Variants in SLC28A1 observed in about 807,000 individuals in gnomAD.
The protein encoded by SLC28A1 is sodium/nucleoside cotransporter 1.
In SLC28A1, 64 loss-of-function variants were observed where a neutral mutation model predicts 74.8. The observed-to-expected ratio is 0.86, with a 90% CI of 0.70 to 1.05. SLC28A1 has a LOEUF of 1.05. Among genes scored for constraint, SLC28A1 ranks in the 50% least tolerant of loss-of-function variants. The pLI, the probability that SLC28A1 is intolerant of heterozygous loss-of-function variation, is 0.00. For synonymous variants in SLC28A1, 359 were observed against 335.0 expected, an observed-to-expected ratio of 1.07 and a Z score of -0.78; for missense variants, 828 against 822.8, an observed-to-expected ratio of 1.01 and a Z score of -0.08.
chr15:84,953,074 A>G, the SLC28A1 span, among the ~76,000 whole-genome samples: 1 of 152,238 alleles, frequency 6.6e-6, no homozygotes, highest in African/African-American at 2.4e-5. Flanking sequence ...CCATCAAAGC[A>G]TACAGCTTTC....
At chr15:84,911,434 A>G (rs750852803) in intron 9 of SLC28A1, among the ~76,000 whole-genome samples, 3 of 152,230 alleles carry the variant, frequency 2.0e-5, no homozygotes, top group Non-Finnish European at 4.4e-5. Context: ...GCGCAGAGCC[A>G]GAGCTAGAAC....
the SLC28A1 span, among the ~76,000 whole-genome samples, chr15:84,963,848 T>C: frequency 1.3e-5 from 2 of 152,188 alleles, no homozygotes; most frequent in African/African-American, 4.8e-5. Context: ...CCTCTAGCCA[T>C]TTCCTAGCAC....
At chr15:84,941,361 G>A (rs865953386) in intron 15 of SLC28A1, among the ~76,000 whole-genome samples, 5 of 151,818 alleles carry the variant, frequency 3.3e-5, no homozygotes, top group African/African-American at 4.8e-5. Context: ...ACCCGCCACT[G>A]TGCCCGGCTA....
At chr15:84,958,095 T>C in the SLC28A1 span, among the ~76,000 whole-genome samples, 1 of 152,240 alleles carries the variant, frequency 6.6e-6, no homozygotes, top group Non-Finnish European at 1.5e-5. Context: ...GTTTTCTTCA[T>C]TTTGTCATTG....
the SLC28A1 span, among the ~76,000 whole-genome samples, chr15:84,956,455 C>CTTTA: frequency 2.6e-5 from 2 of 78,010 alleles, no homozygotes; most frequent in Admixed American, 1.5e-4. Flanking sequence ...TTCTTTCTTT[C>CTTTA]TTTCTTTCTT....
At chr15:84,901,534 AC>A (rs66669942) in intron 6 of SLC28A1, among the ~76,000 whole-genome samples, 47,517 of 151,524 alleles carry the variant, frequency 0.31, 8,674 homozygotes, top group South Asian at 0.56. Context: ...AAACAAACAA[AC>A]AAAAAACAAA....
intron 6 of SLC28A1, chr15:84,895,760 A>T (rs28649017): frequency 1.9e-4 from 187 of 996,380 alleles, no homozygotes; most frequent in Non-Finnish European, 2.2e-4. Context: ...TCGCTGGGGG[A>T]AAAAAACAGT....
At chr15:84,943,327 C>G in intron 15 of SLC28A1, 118 bp from the exon 16 acceptor site, 1 of 750,520 alleles carries the variant, frequency 1.3e-6, no homozygotes, top group Admixed American at 2.0e-5. Context: ...ACAGAGGACT[C>G]AAAGGTCAAT....
intron 6 of SLC28A1, among the ~76,000 whole-genome samples, chr15:84,896,892 A>T (rs922166759): frequency 7.2e-5 from 11 of 152,246 alleles, no homozygotes; most frequent in Admixed American, 6.5e-5. Flanking sequence ...ATACGGCATG[A>T]TTCCATTTAT....
chr15:84,933,123 A>G, intron 12 of SLC28A1, 22 bp from the exon 13 acceptor site: 1 of 1,611,960 alleles, frequency 6.2e-7, no homozygotes, highest in South Asian at 1.1e-5. Context: ...TCCACCTAGA[A>G]CCTGCACTCT....
At chr15:84,891,706 G>T (rs1965389510) in intron 5 of SLC28A1, among the ~76,000 whole-genome samples, 1 of 152,186 alleles carries the variant, frequency 6.6e-6, no homozygotes, top group Non-Finnish European at 1.5e-5. Flanking sequence ...GTGACTTAGG[G>T]TGTAGGTGCA....
chr15:84,961,834 G>T, the SLC28A1 span, among the ~76,000 whole-genome samples: 1 of 152,142 alleles, frequency 6.6e-6, no homozygotes, highest in Non-Finnish European at 1.5e-5. Flanking sequence ...GATTCACAAC[G>T]GCAGCACCTA....
intron 9 of SLC28A1, among the ~76,000 whole-genome samples, chr15:84,916,183 T>C (rs2141878693): frequency 6.8e-6 from 1 of 147,438 alleles, no homozygotes; most frequent in East Asian, 2.0e-4. Context: ...CAGGCTGGTC[T>C]CGAACTCCTG....
At chr15:84,969,734 T>C in the SLC28A1 span, among the ~76,000 whole-genome samples, 1 of 152,158 alleles carries the variant, frequency 6.6e-6, no homozygotes, top group Non-Finnish European at 1.5e-5. Flanking sequence ...ACAATAACTA[T>C]TTAGCAATAA....
intron 9 of SLC28A1, among the ~76,000 whole-genome samples, chr15:84,916,127 T>TTATTTTTTTTC (rs1744786768): frequency 6.6e-6 from 1 of 151,744 alleles, no homozygotes; most frequent in African/African-American, 2.4e-5. Context: ...TACCCCTGGC[T>TTATTTTTTTTC]TATTTTTTTC....
intron 4 of SLC28A1, among the ~76,000 whole-genome samples, chr15:84,889,534 G>T (rs1965027242): frequency 1.3e-5 from 2 of 152,156 alleles, no homozygotes; most frequent in Non-Finnish European, 2.9e-5. Context: ...GCAGCTGGTG[G>T]GTGGATTCCA....
chr15:84,939,902 G>A lies in SLC28A1; in HGVS notation c.1582-3543G>A, dbSNP rs907075714. On this transcript the variant is annotated intron_variant, in intron 15 of 18. Coordinates refer to ENST00000394573, the MANE Select transcript of SLC28A1 (RefSeq NM_004213.5). The stretch of plus-strand genomic sequence containing the variant: ...TGCAGTGGTGCAATCACAGCTCACT[G>A]TAGCCTCTGCCTCCTAGGCTCAAGT... Among the ~76,000 whole-genome samples the A allele has an allele frequency of 2.0e-5, 3 of 152,164 alleles. No homozygotes were observed. In the South Asian group the frequency reaches 6.2e-4, roughly 31 times the overall value.
At chr15:84,947,140 A>G (rs1363282837), downstream of SLC28A1, among the ~76,000 whole-genome samples, 3 of 152,218 alleles carry the variant, frequency 2.0e-5, no homozygotes, top group Non-Finnish European at 2.9e-5. Context: ...CTGGGTCCCC[A>G]TCCTCAGGGC....
chr15:84,915,307 G>A (rs1469613230), intron 9 of SLC28A1, among the ~76,000 whole-genome samples: 4 of 152,142 alleles, frequency 2.6e-5, no homozygotes, highest in Non-Finnish European at 5.9e-5. Flanking sequence ...TCTGGGAAGG[G>A]ACAGGAGAAA....
Sources: allele counts gnomAD v4.1 joint callset (sites outside exome capture counted in the v4.1 genomes callset), GRCh38; gene constraint gnomAD v4.1.1; transcripts MANE v1.5; gene names NCBI Gene and HGNC (gene_info 2026-07-23, HGNC 2026-07-21).